Variants in HMGCL observed in about 807,000 individuals in gnomAD.
HMGCL encodes the protein hydroxymethylglutaryl-CoA lyase, mitochondrial.
In HMGCL, 26 loss-of-function variants were observed where a neutral mutation model predicts 37.3. The observed-to-expected ratio is 0.70, with a 90% CI of 0.51 to 0.97. The LOEUF (loss-of-function observed/expected upper bound fraction) is 0.97, where lower values mean the gene tolerates loss of function less well. Ranked by LOEUF, HMGCL falls within the 50% of genes least tolerant of loss-of-function variation. HMGCL has a pLI of 0.00. For synonymous variants in HMGCL, 151 were observed against 148.0 expected (o/e 1.02, Z -0.15); for missense variants, 379 against 398.1 (o/e 0.95, Z 0.41).
chr1:23,810,893 TGTGCAA>T lies in HMGCL; in HGVS notation c.498-100_498-95del, dbSNP rs1570647773. 7 of 958,992 alleles carry T rather than the reference TGTGCAA, an allele frequency of 7.3e-6. No individual in the cohort carries two copies. In the East Asian group the frequency reaches 1.8e-4, roughly 24 times the overall value. The allele number at this position is 958,992 out of a possible 1,614,324, so 59.4% of individuals were successfully genotyped here. On this transcript the variant is annotated intron_variant, in intron 5 of 8. Coordinates refer to ENST00000374490, the MANE Select transcript of HMGCL (RefSeq NM_000191.3). ...CTGTTTAACACACATTTCTGATCAG[TGTGCAA>T]TCAACACCTGCAGCTGGGCGGAGTA...
At chr1:23,810,492 C>G (rs1328049146) in intron 6 of HMGCL, 2 of 492,650 alleles carry the variant, frequency 4.1e-6, no homozygotes, top group Non-Finnish European at 7.5e-6. Context: ...AGACTGGAAA[C>G]TGAATTGGAG....
chr1:23,824,689 T>C (rs1000664502), intron 1 of HMGCL, among the ~76,000 whole-genome samples: 1 of 152,214 alleles, frequency 6.6e-6, no homozygotes, highest in African/African-American at 2.4e-5. Context: ...TGTTGTCCGT[T>C]TTACAGACGA....
rs1276173417 is a variant in HMGCL, at chr1:23,824,475, G to GT, written c.60+880dup. ...TTTTACACATGAGCAGGTGGTGCAG[G>GT]TGAATGGCCAAGTAAAGATATTAAC... On this transcript the variant is annotated intron_variant, in intron 1 of 8. Coordinates refer to ENST00000374490, the MANE Select transcript of HMGCL (RefSeq NM_000191.3). Among the ~76,000 whole-genome samples, 3 of 152,192 alleles carry GT rather than the reference G, an allele frequency of 2.0e-5. No individual in the cohort carries two copies. The East Asian group carries it at 5.8e-4, about 29-fold the overall frequency.
In HMGCL at chr1:23,806,779, G is replaced by A; in HGVS notation, c.750+1356C>T. ...CTGAATCCTTAATGCTGAGAACAGT[G>A]CCTAGCACACTAGGCACCGTTAGGT... On this transcript the variant is annotated intron_variant, in intron 7 of 8. Coordinates refer to ENST00000374490, the MANE Select transcript of HMGCL (RefSeq NM_000191.3). This position sits in a 1 kb window ranked among gnomAD's most constrained non-coding sequence, Gnocchi z 4.0. 2.7e-6 allele frequency: 1 copy of A among 368,314 alleles called. No individual in the cohort carries two copies. Among genetic ancestry groups the A allele is most frequent in the South Asian group, 2.0e-5 (1 of 49,158 alleles). 22.8% of individuals were successfully genotyped at this position (368,314 alleles called of 1,614,324 possible). A position where few individuals can be genotyped will look rare whatever the true frequency, so the allele number is the denominator to read the frequency against.
chr1:23,806,416 A>G lies in HMGCL; in HGVS notation c.750+1719T>C, dbSNP rs1160882128. ...TCTCTGCCCCCCTCTCCTCAGTCAC[A>G]CTGCTCCCGCCACATGCCTCCTCCT... On this transcript the variant is annotated intron_variant, in intron 7 of 8. Transcript: ENST00000374490. This position sits in a 1 kb window ranked among gnomAD's most constrained non-coding sequence, Gnocchi z 4.0. Among the ~76,000 whole-genome samples, 1 of 151,878 alleles carries G rather than the reference A, an allele frequency of 6.6e-6. No homozygotes were observed. Among genetic ancestry groups the G allele is most frequent in the East Asian group, 1.9e-4 (1 of 5,172 alleles).
intron 1 of HMGCL, among the ~76,000 whole-genome samples, chr1:23,821,357 C>CA (rs997437878): frequency 2.7e-5 from 4 of 147,776 alleles, no homozygotes; most frequent in East Asian, 2.0e-4. Context: ...ACTCCATTTC[C>CA]AAAAAAAATA....
chr1:23,821,682 A>C (rs761908701), intron 1 of HMGCL, among the ~76,000 whole-genome samples: 1 of 152,022 alleles, frequency 6.6e-6, no homozygotes, highest in East Asian at 1.9e-4. Context: ...AAATGACTCT[A>C]TATGTCACTT....
At chr1:23,822,649 G>A (rs1250056064) in intron 1 of HMGCL, among the ~76,000 whole-genome samples, 1 of 152,154 alleles carries the variant, frequency 6.6e-6, no homozygotes, top group African/African-American at 2.4e-5. Flanking sequence ...AGACTAAGGC[G>A]ATGAGCCATT....
chr1:23,816,623 C>A (rs1038020432), intron 4 of HMGCL, 52 bp downstream of exon 4: 7 of 1,067,862 alleles, frequency 6.6e-6, no homozygotes, highest in South Asian at 3.7e-5. Flanking sequence ...AGGCAGGGAC[C>A]AATGCCATCA....
chr1:23,808,463 C>G, intron 6 of HMGCL, 140 bp from the exon 7 acceptor site: 1 of 751,242 alleles, frequency 1.3e-6, no homozygotes, highest in Non-Finnish European at 2.4e-6. Context: ...ATGCTCCTCA[C>G]CACTCCAACT....
At position 23,806,062 on chromosome 1, in the gene HMGCL, A is replaced by G. The variant is rs181776299; in HGVS notation, c.751-1537T>C. On this transcript the variant is annotated intron_variant, in intron 7 of 8. Transcript: ENST00000374490. The surrounding 1 kb of genome is among the most constrained non-coding windows in gnomAD (Gnocchi z 4.0). ...CACCTCCCGGGCTCAAGTGATTCTC[A>G]TGCCTCAGCCTCGCAAATAGCTGGG... Among the ~76,000 whole-genome samples the G allele has an allele frequency of 8.4e-4, 127 of 151,902 alleles. 1 individual carries two copies. Among genetic ancestry groups the G allele is most frequent in the South Asian group, 6.9e-3 (33 of 4,808 alleles).
intron 4 of HMGCL, among the ~76,000 whole-genome samples, chr1:23,815,705 C>A (rs2148423176): frequency 6.6e-6 from 1 of 152,038 alleles, no homozygotes; most frequent in Admixed American, 6.6e-5. Context: ...TCGTGTTAGC[C>A]AGGATGGTCT....
rs1310427611 is a variant in HMGCL, at chr1:23,802,363, CACCATTTA to C, written c.*92_*99del. 3 of 831,652 alleles carry C rather than the reference CACCATTTA, an allele frequency of 3.6e-6. No homozygotes were observed. The highest frequency in any genetic ancestry group is 3.4e-5 in the Admixed American group (2 of 58,398). 51.5% of individuals were successfully genotyped at this position (831,652 alleles called of 1,614,324 possible). On this transcript the variant is annotated 3_prime_UTR_variant, in exon 9 of 9. Transcript: ENST00000374490. ...TGTAGAGCTGGCTATGAGGTACCTGCACCATTTAACCTATTCTCATTTCCATGTCCCCA... is the reference window on the plus strand; with the variant it reads ...TGTAGAGCTGGCTATGAGGTACCTGCACCTATTCTCATTTCCATGTCCCCA...
intron 1 of HMGCL, among the ~76,000 whole-genome samples, chr1:23,821,440 G>A (rs1307805590): frequency 2.6e-5 from 4 of 152,280 alleles, no homozygotes; most frequent in African/African-American, 9.6e-5. Flanking sequence ...CAGATCACTT[G>A]AGGCCAGAGG....
rs1300668281 is a variant in HMGCL, at chr1:23,804,505, G to A, written c.771C>T (p.Asp257=). ...AGCCTCCAAGTCCTGCCACAGAAGA[G>A]TCCACGACACTCACTCCCATCTAGA... ...MALQMGVSVV[D]SSVAGLGGCP... The change falls in exon 8 of 9, where the codon GAC becomes GAT. Residue 257 remains aspartate (D), a synonymous_variant. Transcript: ENST00000374490. 3 of 1,614,164 alleles carry A rather than the reference G, an allele frequency of 1.9e-6. No homozygotes were observed. In the East Asian group the frequency reaches 6.7e-5, roughly 36 times the overall value.
chr1:23,823,443 C>G (rs1266599684), intron 1 of HMGCL, among the ~76,000 whole-genome samples: 1 of 151,812 alleles, frequency 6.6e-6, no homozygotes, highest in Non-Finnish European at 1.5e-5. Flanking sequence ...ACCTTCACCT[C>G]CCAGGTTCAA....
chr1:23,820,470 G>T, intron 2 of HMGCL, 40 bp downstream of exon 2: 2 of 1,389,410 alleles, frequency 1.4e-6, no homozygotes, highest in Non-Finnish European at 2.1e-6. Context: ...CAAAGCAGAT[G>T]CTTGAAAAAA....
chr1:23,806,695 C>T lies in HMGCL; in HGVS notation c.750+1440G>A, dbSNP rs1638417142. On this transcript the variant is annotated intron_variant, in intron 7 of 8. Transcript: ENST00000374490. The surrounding 1 kb of genome is among the most constrained non-coding windows in gnomAD (Gnocchi z 4.0). ...TGCTGTATGTTTGTTTATTTATTAT[C>T]TGTCTCATAGTACTAGAGTGTCAGC... is the stretch of plus-strand genomic sequence containing the variant. The T allele has an allele frequency of 3.2e-6, 1 of 317,256 alleles. No individual in the cohort carries two copies. Among genetic ancestry groups the T allele is most frequent in the Admixed American group, 4.2e-5 (1 of 23,706 alleles). 19.7% of individuals were successfully genotyped at this position (317,256 alleles called of 1,614,324 possible). A position where few individuals can be genotyped will look rare whatever the true frequency, so the allele number is the denominator to read the frequency against.
intron 8 of HMGCL, chr1:23,804,140 T>C: frequency 1.9e-6 from 1 of 539,592 alleles, no homozygotes; most frequent in Non-Finnish European, 3.4e-6. Flanking sequence ...AGATAGGGTC[T>C]TGCTGTTTCA....
Sources: gnomAD v4.1 joint callset for allele counts (sites outside exome capture counted in the v4.1 genomes callset) on GRCh38, gnomAD v4.1.1 for gene constraint, Gnocchi (gnomAD v3.1) non-coding constraint, MANE v1.5 for transcripts, NCBI Gene and HGNC (gene_info 2026-07-23, HGNC 2026-07-21) for gene names.